The following COP1 variants were observed in gnomAD, a reference collection of about 807,000 sequenced individuals.
COP1 encodes E3 ubiquitin-protein ligase COP1.
In COP1, 24 loss-of-function variants were observed where a neutral mutation model predicts 101.3. The observed-to-expected ratio is 0.24, with a 90% CI of 0.17 to 0.33. The LOEUF is 0.33. Ranked by LOEUF, COP1 falls within the 10% of genes least tolerant of loss-of-function variation. The pLI, the probability that COP1 is intolerant of heterozygous loss-of-function variation, is 1.00. For missense variants in COP1, 663 were observed against 906.2 expected (o/e 0.73, Z 3.45); for synonymous variants, 347 against 341.9 (o/e 1.01, Z -0.17).
At chr1:176,120,985 T>G (rs1388821305) in intron 8 of COP1, among the ~76,000 whole-genome samples, 1 of 152,046 alleles carries the variant, frequency 6.6e-6, no homozygotes, top group African/African-American at 2.4e-5. Context: ...GAATTATGAA[T>G]AAGAGAATCA....
At chr1:176,058,025 C>A (rs1379747605) in intron 11 of COP1, among the ~76,000 whole-genome samples, 1 of 149,890 alleles carries the variant, frequency 6.7e-6, no homozygotes, top group Admixed American at 6.6e-5. Flanking sequence ...CCGGCAGCCG[C>A]CCCGTCTGAG....
chr1:176,074,165 G>A (rs142555068), intron 11 of COP1, among the ~76,000 whole-genome samples: 248 of 152,248 alleles, frequency 1.6e-3, no homozygotes, highest in Middle Eastern at 3.4e-3. Flanking sequence ...GGCCTCAAGT[G>A]ATCTGCCTGC....
intron 11 of COP1, among the ~76,000 whole-genome samples, chr1:176,078,739 C>T (rs765125907): frequency 4.0e-5 from 6 of 151,530 alleles, no homozygotes; most frequent in Non-Finnish European, 7.4e-5. Context: ...TATTTGCAAA[C>T]TATGCATCTG....
intron 15 of COP1, among the ~76,000 whole-genome samples, chr1:176,005,122 T>G (rs996757296): frequency 6.6e-6 from 1 of 152,184 alleles, no homozygotes; most frequent in Non-Finnish European, 1.5e-5. Flanking sequence ...ATTTCTAGAT[T>G]TTCTAGTTTA....
rs1684660780 is a variant in COP1 at position 176,108,204 on chromosome 1, A to ATATAACTCTATTTAT, written c.1026+8419_1026+8420insATAAATAGAGTTATA. On this transcript the variant is annotated intron_variant, in intron 9 of 19. Coordinates refer to ENST00000367669, the MANE Select transcript of COP1 (RefSeq NM_022457.7). ...AAGCAAAATCAATAGGCAATTACAA[A>ATATAACTCTATTTAT]AGTTCAGAAATATAACTCTATAAAG... Among the ~76,000 whole-genome samples, 6 of 152,330 alleles carry ATATAACTCTATTTAT rather than the reference A, an allele frequency of 3.9e-5. No homozygotes were observed. The South Asian group carries it at 1.0e-3, about 26-fold the overall frequency.
rs757293332 is a variant in COP1, at chr1:176,184,739, A to AT, written c.408-48dup. The stretch of plus-strand genomic sequence containing the variant: ...TTGATTTTTTTTTAAAAGTAGAGTG[A>AT]TTACAAATTGGAAAAGACTAGTAAC... On this transcript the variant is annotated intron_variant, in intron 1 of 19. Coordinates refer to ENST00000367669, the MANE Select transcript of COP1 (RefSeq NM_022457.7). 5 of 1,406,408 alleles carry AT rather than the reference A, an allele frequency of 3.6e-6. No homozygotes were observed. The Admixed American group carries it at 9.1e-5, about 26-fold the overall frequency. 87.1% of individuals were successfully genotyped at this position (1,406,408 alleles called of 1,614,324 possible).
At chr1:176,045,636 C>T (rs1200680149) in intron 12 of COP1, among the ~76,000 whole-genome samples, 1 of 147,750 alleles carries the variant, frequency 6.8e-6, no homozygotes, top group Non-Finnish European at 1.5e-5. Context: ...TTTTGGGGAG[C>T]AGATCAGGAG....
At position 176,114,965 on chromosome 1, in the gene COP1, G is replaced by T. The variant is rs143252022; in HGVS notation, c.1026+1659C>A. ...ATTTAAGGGTAAAGAAACATATGTG[G>T]GTACCTTACTCAAACAATCCAGAAA... On this transcript the variant is annotated intron_variant, in intron 9 of 19. Transcript: ENST00000367669. 2.6e-3 allele frequency among the ~76,000 whole-genome samples: 399 copies of T among 152,086 alleles called. 3 individuals carry two copies. The highest frequency in any genetic ancestry group is 9.2e-3 in the African/African-American group (381 of 41,476).
chr1:175,963,778 G>A (rs545243191), intron 18 of COP1, among the ~76,000 whole-genome samples: 2 of 152,164 alleles, frequency 1.3e-5, no homozygotes, highest in Admixed American at 6.5e-5. Context: ...TAGAAGTAAC[G>A]TCTTCCCTCT....
chr1:176,141,249 C>T (rs1690630497), intron 6 of COP1, among the ~76,000 whole-genome samples: 1 of 152,150 alleles, frequency 6.6e-6, no homozygotes, highest in South Asian at 2.1e-4. Context: ...CGCCTGTAAG[C>T]CCAACACTTT....
intron 15 of COP1, among the ~76,000 whole-genome samples, chr1:175,990,673 G>A (rs1029342076): frequency 1.3e-4 from 20 of 152,078 alleles, no homozygotes; most frequent in African/African-American, 4.8e-4. Flanking sequence ...TTTGAGGTGT[G>A]TTGATAATTG....
intron 15 of COP1, among the ~76,000 whole-genome samples, chr1:176,006,362 T>C (rs958896337): frequency 6.6e-6 from 1 of 152,316 alleles, no homozygotes; most frequent in African/African-American, 2.4e-5. Context: ...AAAGTTAATA[T>C]TGTTATGTGT....
intron 18 of COP1, among the ~76,000 whole-genome samples, chr1:175,974,974 T>C (rs1253658367): frequency 6.7e-6 from 1 of 148,212 alleles, no homozygotes; most frequent in Non-Finnish European, 1.5e-5. Context: ...AATTGCATAA[T>C]TCAAATGCAA....
chr1:176,028,273 T>C (rs1007447902), intron 14 of COP1, among the ~76,000 whole-genome samples: 1 of 151,858 alleles, frequency 6.6e-6, no homozygotes, highest in Non-Finnish European at 1.5e-5. Flanking sequence ...AAAATCAATA[T>C]AGATAAAAAG....
intron 11 of COP1, among the ~76,000 whole-genome samples, chr1:176,055,987 T>C (rs1287256282): frequency 1.3e-5 from 2 of 152,168 alleles, no homozygotes. Flanking sequence ...GGAGTTTTAT[T>C]CTGGGCACTT....
intron 1 of COP1, among the ~76,000 whole-genome samples, chr1:176,196,239 G>A (rs147980718): frequency 0.015 from 2,245 of 152,074 alleles, 19 homozygotes; most frequent in Non-Finnish European, 0.024. Flanking sequence ...CAAGTTAGCA[G>A]AAGAAATTTA....
intron 11 of COP1, among the ~76,000 whole-genome samples, chr1:176,079,510 G>T (rs1678699282): frequency 6.6e-6 from 1 of 151,782 alleles, no homozygotes; most frequent in African/African-American, 2.4e-5. Context: ...GGGGTCGTGG[G>T]CTTATAAAAC....
chr1:176,007,131 C>T (rs923181757), intron 15 of COP1, among the ~76,000 whole-genome samples: 3 of 152,164 alleles, frequency 2.0e-5, no homozygotes, highest in African/African-American at 4.8e-5. Flanking sequence ...TCCAGTTGAT[C>T]GCATCGGCTC....
At chr1:175,957,327 T>C (rs1400361538) in intron 18 of COP1, among the ~76,000 whole-genome samples, 1 of 151,904 alleles carries the variant, frequency 6.6e-6, no homozygotes, top group Non-Finnish European at 1.5e-5. Flanking sequence ...ATTTTTTACC[T>C]TTTATATTGT....
Sources: allele counts gnomAD v4.1 joint callset (sites outside exome capture counted in the v4.1 genomes callset), GRCh38; gene constraint gnomAD v4.1.1; transcripts MANE v1.5; gene names NCBI Gene and HGNC (gene_info 2026-07-23, HGNC 2026-07-21).